CTNNA3: variants seen among roughly 807,000 people sequenced by gnomAD.
CTNNA3 encodes catenin alpha-3.
Under a neutral mutation model 95.7 loss-of-function variants are expected in CTNNA3, and 76 were observed. The observed-to-expected ratio is 0.79, with a 90% CI of 0.66 to 0.96. The LOEUF (loss-of-function observed/expected upper bound fraction) is 0.96. Ranked by LOEUF, CTNNA3 falls within the 40% of genes least tolerant of loss-of-function variation. The probability of loss-of-function intolerance (pLI) is 0.00; values close to 1 mark genes in which losing one functional copy is unlikely to be tolerated. For missense variants in CTNNA3, 1,191 were observed against 1,089.8 expected (o/e 1.09, Z -1.31); for synonymous variants, 431 against 374.4 (o/e 1.15, Z -1.74).
At chr10:67,712,786 A>C (rs1197091693) in intron 1 of CTNNA3, among the ~76,000 whole-genome samples, 1 of 152,242 alleles carries the variant, frequency 6.6e-6, no homozygotes, top group African/African-American at 2.4e-5. Flanking sequence ...AACTAACTCA[A>C]GATGGATTAA....
chr10:66,788,405 G>C (rs1840831844), intron 7 of CTNNA3, among the ~76,000 whole-genome samples: 2 of 152,124 alleles, frequency 1.3e-5, no homozygotes, highest in South Asian at 4.1e-4. Flanking sequence ...CCAGTTGCAG[G>C]AGATTGCTGT....
intron 15 of CTNNA3, among the ~76,000 whole-genome samples, chr10:66,069,016 G>A (rs1240240250): frequency 6.6e-6 from 1 of 152,156 alleles, no homozygotes; most frequent in Non-Finnish European, 1.5e-5. Flanking sequence ...CAAATTCTTT[G>A]TAGAAGTCAC....
chr10:66,316,223 T>C (rs1008537614), intron 12 of CTNNA3, among the ~76,000 whole-genome samples: 1 of 152,114 alleles, frequency 6.6e-6, no homozygotes, highest in African/African-American at 2.4e-5. Context: ...GTGGTAAAGG[T>C]AGTGGGTTAA....
In CTNNA3 at chr10:66,070,379, A is replaced by G. The variant is rs145707912; in HGVS notation, c.1978-890T>C. ...TATAAGCCACCAACCCATTAAACTG[A>G]CTCACGAATAGAAATGGGTTTTCTC... On this transcript the variant is annotated intron_variant, in intron 14 of 17. Transcript: ENST00000433211. Among the ~76,000 whole-genome samples the G allele has an allele frequency of 2.6e-3, 390 of 152,238 alleles. 6 individuals are homozygous for G. The highest frequency in any genetic ancestry group is 9.1e-3 in the African/African-American group (377 of 41,548).
At chr10:66,306,411 G>A (rs2091935012) in intron 12 of CTNNA3, among the ~76,000 whole-genome samples, 1 of 150,884 alleles carries the variant, frequency 6.6e-6, no homozygotes, top group Admixed American at 6.6e-5. Context: ...AATATAGAAA[G>A]CCAAATGACA....
Position 66,766,301 on chromosome 10 carries a change from G to A in CTNNA3, c.1244C>T (p.Ala415Val), listed in dbSNP as rs1839849767. The change falls in exon 9 of 18, where the codon GCT (alanine) becomes GTT (valine). Residue 415 changes from alanine to valine, a missense_variant. Coordinates refer to ENST00000433211, the MANE Select transcript of CTNNA3 (RefSeq NM_013266.4). ...GCTGGTGTGTTCATGAAATATCGCAGCATATTCTTTTATTTCCTTTTCCCG... is the reference window on the plus strand; with the variant it reads ...GCTGGTGTGTTCATGAAATATCGCAACATATTCTTTTATTTCCTTTTCCCG... ...NGREKEIKEY[A>V]AIFHEHTSRL... 8.7e-6 allele frequency: 14 copies of A among 1,613,820 alleles called. No homozygotes were observed. The highest frequency in any genetic ancestry group is 1.2e-5 in the Non-Finnish European group (14 of 1,179,848).
chr10:67,512,959 G>A (rs1452757582), intron 5 of CTNNA3, among the ~76,000 whole-genome samples: 1 of 152,022 alleles, frequency 6.6e-6, no homozygotes, highest in Admixed American at 6.6e-5. Context: ...ACTCCAGCCT[G>A]GCAACAGAGC....
intron 1 of CTNNA3, among the ~76,000 whole-genome samples, chr10:67,726,742 T>C (rs1473645644): frequency 2.1e-5 from 2 of 96,770 alleles, no homozygotes; most frequent in African/African-American, 9.0e-5. Context: ...CAATATATTA[T>C]ATATGATATA....
At chr10:66,582,042 G>A (rs574056133) in intron 10 of CTNNA3, among the ~76,000 whole-genome samples, 10 of 151,656 alleles carry the variant, frequency 6.6e-5, no homozygotes, top group African/African-American at 2.2e-4. Flanking sequence ...ATTTGGTTAC[G>A]TTAGCCTTGT....
chr10:66,314,985 A>G (rs960202887), intron 12 of CTNNA3, among the ~76,000 whole-genome samples: 18 of 152,098 alleles, frequency 1.2e-4, no homozygotes, highest in Non-Finnish European at 2.4e-4. Context: ...GTGGTGGGTT[A>G]CTTTTTCACT....
At chr10:67,183,252 C>A (rs142939663) in intron 6 of CTNNA3, among the ~76,000 whole-genome samples, 1 of 152,040 alleles carries the variant, frequency 6.6e-6, no homozygotes, top group Non-Finnish European at 1.5e-5. Flanking sequence ...ATGTTTATTG[C>A]GGCACTATTC....
At chr10:66,920,854 A>T (rs1846749881) in intron 7 of CTNNA3, among the ~76,000 whole-genome samples, 1 of 152,146 alleles carries the variant, frequency 6.6e-6, no homozygotes, top group South Asian at 2.1e-4. Flanking sequence ...TTCCTTAGAA[A>T]AGTTCTGTTG....
chr10:67,387,229 G>A (rs534308420), intron 5 of CTNNA3, among the ~76,000 whole-genome samples: 5 of 152,302 alleles, frequency 3.3e-5, no homozygotes, highest in African/African-American at 1.2e-4. Context: ...AGCAGGGTGA[G>A]GCATTGCCTC....
At chr10:67,473,022 C>T (rs934722401) in intron 5 of CTNNA3, among the ~76,000 whole-genome samples, 3 of 152,180 alleles carry the variant, frequency 2.0e-5, no homozygotes, top group African/African-American at 7.2e-5. Flanking sequence ...ATGTTTCTCT[C>T]TCCTCCTATA....
chr10:66,089,511 T>A (rs1386017879), intron 14 of CTNNA3, among the ~76,000 whole-genome samples: 1 of 151,922 alleles, frequency 6.6e-6, no homozygotes, highest in African/African-American at 2.4e-5. Context: ...TAAACTGTTT[T>A]TTTAAATCTA....
intron 7 of CTNNA3, among the ~76,000 whole-genome samples, chr10:66,869,612 A>C (rs1239330316): frequency 3.3e-5 from 5 of 151,812 alleles, no homozygotes; most frequent in Non-Finnish European, 7.4e-5. Context: ...TAAAAGAACA[A>C]TCAGAAGGCT....
At chr10:66,475,591 G>A (rs1235998511) in intron 11 of CTNNA3, among the ~76,000 whole-genome samples, 1 of 151,866 alleles carries the variant, frequency 6.6e-6, no homozygotes, top group African/African-American at 2.4e-5. Context: ...ATGTTCATGT[G>A]GCCAAAAAAC....
intron 7 of CTNNA3, among the ~76,000 whole-genome samples, chr10:66,888,840 A>G (rs1185103438): frequency 2.0e-5 from 3 of 152,142 alleles, no homozygotes; most frequent in Non-Finnish European, 4.4e-5. Flanking sequence ...TACTCTCACC[A>G]TACAATCCAG....
chr10:66,612,258 A>G (rs537034561), intron 10 of CTNNA3, among the ~76,000 whole-genome samples: 1 of 152,210 alleles, frequency 6.6e-6, no homozygotes, highest in Non-Finnish European at 1.5e-5. Context: ...TGCATGTAAT[A>G]TTCAATTATC....
Sources: allele counts gnomAD v4.1 joint callset (sites outside exome capture counted in the v4.1 genomes callset), GRCh38; gene constraint gnomAD v4.1.1; transcripts MANE v1.5; gene names NCBI Gene and HGNC (gene_info 2026-07-23, HGNC 2026-07-21).